KGD4: variants seen among roughly 807,000 people sequenced by gnomAD.
KGD4 encodes the protein alpha-ketoglutarate dehydrogenase subunit 4.
At chr5:69,225,748 T>C in the KGD4 span, among the ~76,000 whole-genome samples, 8 of 151,944 alleles carry the variant, frequency 5.3e-5, no homozygotes, top group East Asian at 1.5e-3. Context: ...GCCCAACTAA[T>C]TTTTGTATTT....
chr5:69,228,864 A>G, the KGD4 span, among the ~76,000 whole-genome samples: 2 of 151,744 alleles, frequency 1.3e-5, no homozygotes, highest in African/African-American at 4.8e-5. Flanking sequence ...AAAATACAAA[A>G]ATTAGCTGGG....
At chr5:69,218,197 G>T in the KGD4 span, 1 of 362,946 alleles carries the variant, frequency 2.8e-6, no homozygotes, top group African/African-American at 2.1e-5. Flanking sequence ...GGCGACCCTG[G>T]CGGTAGCCTG....
chr5:69,228,229 C>T, the KGD4 span: 25 of 1,591,880 alleles, frequency 1.6e-5, no homozygotes, highest in Non-Finnish European at 2.1e-5. Context: ...AGCAGGGCTA[C>T]CATCTCACTC....
the KGD4 span, among the ~76,000 whole-genome samples, chr5:69,228,622 T>C: frequency 3.3e-5 from 5 of 152,140 alleles, no homozygotes; most frequent in Non-Finnish European, 7.4e-5. Context: ...AACAGCTCTT[T>C]GGGGTCCTGA....
the KGD4 span, chr5:69,229,422 T>A: frequency 1.9e-6 from 1 of 525,250 alleles, no homozygotes; most frequent in Non-Finnish European, 3.3e-6. Flanking sequence ...CTTACCTAAT[T>A]GTTTATATAC....
the KGD4 span, among the ~76,000 whole-genome samples, chr5:69,223,867 TA>T: frequency 6.6e-6 from 1 of 150,388 alleles, no homozygotes; most frequent in East Asian, 2.0e-4. Flanking sequence ...ACCCTGTCTC[TA>T]CTAAAAATAT....
chr5:69,228,359 T>G, the KGD4 span: 10 of 1,600,844 alleles, frequency 6.2e-6, no homozygotes, highest in Non-Finnish European at 7.6e-6. Flanking sequence ...AGGAAACTTG[T>G]GTCTCAAGAA....
At chr5:69,220,059 A>T in the KGD4 span, among the ~76,000 whole-genome samples, 118 of 152,094 alleles carry the variant, frequency 7.8e-4, 2 homozygotes, top group East Asian at 0.021. Flanking sequence ...GCAAGACCCC[A>T]TCTCTATAAA....
chr5:69,222,413 G>GA, the KGD4 span, among the ~76,000 whole-genome samples: 1 of 152,156 alleles, frequency 6.6e-6, no homozygotes, highest in Non-Finnish European at 1.5e-5. Context: ...TTGGGGAAAG[G>GA]AAAAATACTT....
chr5:69,223,907 C>T, the KGD4 span, among the ~76,000 whole-genome samples: 1 of 151,542 alleles, frequency 6.6e-6, no homozygotes, highest in African/African-American at 2.4e-5. Flanking sequence ...GTGGCGGGCA[C>T]CTGTAATCCC....
the KGD4 span, among the ~76,000 whole-genome samples, chr5:69,222,978 G>A: frequency 2.0e-5 from 3 of 149,532 alleles, no homozygotes; most frequent in African/African-American, 7.4e-5. Context: ...GGGTTTCACC[G>A]TCTTGGCCAG....
chr5:69,229,021 CAAAAAAAA>C, the KGD4 span, among the ~76,000 whole-genome samples: 28 of 50,502 alleles, frequency 5.5e-4, no homozygotes, highest in African/African-American at 2.3e-3. Context: ...AACTCCATCT[CAAAAAAAA>C]AAAAAAAAAA....
chr5:69,223,210 C>G, the KGD4 span, among the ~76,000 whole-genome samples: 1 of 151,466 alleles, frequency 6.6e-6, no homozygotes, highest in Non-Finnish European at 1.5e-5. Context: ...TCCCGAGTAC[C>G]TGGGACTACA....
At chr5:69,223,911 T>C in the KGD4 span, among the ~76,000 whole-genome samples, 9 of 151,636 alleles carry the variant, frequency 5.9e-5, 1 homozygote, top group Middle Eastern at 3.4e-3. Flanking sequence ...CGGGCACCTG[T>C]AATCCCAGCT....
chr5:69,227,342 C>T, the KGD4 span, among the ~76,000 whole-genome samples: 1 of 152,214 alleles, frequency 6.6e-6, no homozygotes, highest in South Asian at 2.1e-4. Flanking sequence ...CTGTTTCTCT[C>T]CTCACCAACC....
chr5:69,229,226 C>A, the KGD4 span: 1 of 1,609,186 alleles, frequency 6.2e-7, no homozygotes, highest in South Asian at 1.1e-5. Context: ...TCCTGAATAA[C>A]CATGGTGGCT....
chr5:69,226,837 G>C, the KGD4 span, among the ~76,000 whole-genome samples: 369 of 149,626 alleles, frequency 2.5e-3, 4 homozygotes, highest in African/African-American at 8.7e-3. Context: ...GACAGGGCAA[G>C]ACTTTGTCTC....
chr5:69,219,247 A>G, the KGD4 span, among the ~76,000 whole-genome samples: 1 of 152,178 alleles, frequency 6.6e-6, no homozygotes, highest in Non-Finnish European at 1.5e-5. Flanking sequence ...TTAAGCATGT[A>G]TCTACCGTAT....
At chr5:69,221,112 C>T in the KGD4 span, among the ~76,000 whole-genome samples, 6 of 152,014 alleles carry the variant, frequency 3.9e-5, no homozygotes, top group South Asian at 1.0e-3. Flanking sequence ...TATCTGCTGA[C>T]CTTCTCTCCA....
Sources: allele counts gnomAD v4.1 joint callset (sites outside exome capture counted in the v4.1 genomes callset), GRCh38; gene constraint gnomAD v4.1.1; transcripts MANE v1.5; gene names NCBI Gene and HGNC (gene_info 2026-07-23, HGNC 2026-07-21).